The following LEMD1 variants were observed in gnomAD, a reference collection of about 807,000 sequenced individuals.
LEMD1 encodes LEM domain-containing protein 1.
In LEMD1, 18 loss-of-function variants were observed where a neutral mutation model predicts 17.4. The observed-to-expected ratio is 1.04, with a 90% confidence interval of 0.72 to 1.54. The LOEUF (loss-of-function observed/expected upper bound fraction) is 1.54. Among genes scored for constraint, LEMD1 ranks in the 40% most tolerant of loss-of-function variants. The pLI, the probability that LEMD1 is intolerant of heterozygous loss-of-function variation, is 0.00. For missense variants in LEMD1, 195 were observed against 210.4 expected (o/e 0.93, Z 0.45); for synonymous variants, 88 against 77.8 (o/e 1.13, Z -0.69).
chr1:205,449,601 C>T (rs1666459700), intron 1 of LEMD1, among the ~76,000 whole-genome samples: 1 of 150,554 alleles, frequency 6.6e-6, no homozygotes, highest in South Asian at 2.1e-4. Context: ...ACACAGCACA[C>T]AGCACAGCAC....
chr1:205,430,208 C>A (rs1331543580), intron 1 of LEMD1, among the ~76,000 whole-genome samples: 1 of 152,236 alleles, frequency 6.6e-6, no homozygotes, highest in Non-Finnish European at 1.5e-5. Flanking sequence ...CTCTCTGCTG[C>A]TTGCACACCC....
At position 205,447,000 on chromosome 1, in the gene LEMD1, C is replaced by T. The variant is rs554632095; in HGVS notation, c.-39+2868G>A. Among the ~76,000 whole-genome samples the T allele has an allele frequency of 1.4e-4, 22 of 152,326 alleles. No homozygotes were observed. The South Asian group carries it at 1.9e-3, about 13-fold the overall frequency. On this transcript the variant is annotated intron_variant, in intron 1 of 3. Transcript: ENST00000367154. Reference sequence around the variant, plus strand: ...ACAAAGGGTGATTGGAGTTGGGCCACGGGGCCAATTTGTGGACGTGCATCC... The same window carrying T: ...ACAAAGGGTGATTGGAGTTGGGCCATGGGGCCAATTTGTGGACGTGCATCC...
rs1665916336 is a variant in LEMD1, at chr1:205,420,547, G to A, written c.-11C>T. ...CTTCACATCCACCATGATGATAGAA[G>A]TTTGGCCTCTTTTCTGATGGTAGAA... On this transcript the variant is annotated 5_prime_UTR_variant, in exon 2 of 6. Transcript: ENST00000367153. 4.3e-6 allele frequency: 7 copies of A among 1,609,650 alleles called. No individual in the cohort carries two copies. Among genetic ancestry groups the A allele is most frequent in the African/African-American group, 4.0e-5 (3 of 74,928 alleles).
intron 1 of LEMD1, among the ~76,000 whole-genome samples, chr1:205,427,484 TGAGA>T (rs3973968): frequency 9.3e-4 from 137 of 147,344 alleles, no homozygotes; most frequent in Non-Finnish European, 1.4e-3. Context: ...AAAGAACATT[TGAGA>T]GAGAGAGAGA....
chr1:205,448,464 C>T lies in LEMD1; in HGVS notation c.-39+1404G>A. 1 of 521,448 alleles carries T rather than the reference C, an allele frequency of 1.9e-6. No individual in the cohort carries two copies. The allele number at this position is 521,448 out of a possible 1,614,324, so 32.3% of individuals were successfully genotyped here. A position where few individuals can be genotyped will look rare whatever the true frequency, so the allele number is the denominator to read the frequency against. ...CTGGGGCACCCGAGAAGCCCTCACT[C>T]CCCTTCTCAGCACCCCCGACCCCAG... On this transcript the variant is annotated intron_variant, in intron 1 of 3. Coordinates refer to the LEMD1 transcript ENST00000367154. The surrounding 1 kb of genome is among the most constrained non-coding windows in gnomAD (Gnocchi z 4.7).
intron 1 of LEMD1, chr1:205,435,979 C>T (rs1305485869): frequency 6.6e-6 from 1 of 152,220 alleles, no homozygotes; most frequent in Non-Finnish European, 1.5e-5. Context: ...AGAAACCAGC[C>T]TGGCCTCTCT....
At chr1:205,432,762 A>G (rs962659995) in intron 1 of LEMD1, among the ~76,000 whole-genome samples, 3 of 152,228 alleles carry the variant, frequency 2.0e-5, no homozygotes, top group African/African-American at 7.2e-5. Context: ...TTATCCCAGC[A>G]CTTTGGAAGG....
chr1:205,404,785 T>G (rs1329147302), intron 4 of LEMD1, among the ~76,000 whole-genome samples: 2 of 152,160 alleles, frequency 1.3e-5, no homozygotes, highest in African/African-American at 4.8e-5. Context: ...TGATGCAGTT[T>G]CTTCCTAGTC....
intron 1 of LEMD1, among the ~76,000 whole-genome samples, chr1:205,420,828 T>G (rs1464916159): frequency 3.3e-5 from 5 of 152,240 alleles, no homozygotes; most frequent in African/African-American, 1.2e-4. Flanking sequence ...TTCTGTTCAA[T>G]GAATATGAGA....
chr1:205,381,537 G>A lies in LEMD1; in HGVS notation c.*121C>T. 1 of 943,626 alleles carries A rather than the reference G, an allele frequency of 1.1e-6. No homozygotes were observed. The highest frequency in any genetic ancestry group is 1.8e-5 in the Admixed American group (1 of 55,534). 58.5% of individuals were successfully genotyped at this position (943,626 alleles called of 1,614,324 possible). ...GACACCGATCTGTGAGAGCAGCACA[G>A]TGCAAGGGAAGGCTCCCTGCAAGGG... On this transcript the variant is annotated 3_prime_UTR_variant, in exon 6 of 6. Coordinates refer to ENST00000367153, the MANE Select transcript of LEMD1 (RefSeq NM_001199050.2).
intron 1 of LEMD1, among the ~76,000 whole-genome samples, chr1:205,431,264 A>G (rs1666122380): frequency 6.6e-6 from 1 of 152,228 alleles, no homozygotes; most frequent in African/African-American, 2.4e-5. Context: ...CTGAATGTCT[A>G]CTTCGTACCC....
intron 1 of LEMD1, among the ~76,000 whole-genome samples, 181 bp from the exon 2 acceptor site, chr1:205,420,755 A>G (rs374106685): frequency 5.3e-5 from 8 of 152,210 alleles, no homozygotes; most frequent in East Asian, 1.9e-4. Flanking sequence ...GTTGCCTCCA[A>G]TGTAAAACTT....
intron 1 of LEMD1, among the ~76,000 whole-genome samples, chr1:205,443,490 CAGAGG>C (rs1204712535): frequency 6.6e-6 from 1 of 152,118 alleles, no homozygotes; most frequent in Non-Finnish European, 1.5e-5. Flanking sequence ...ACCTACACAT[CAGAGG>C]AAAGGAGAGC....
chr1:205,438,787 A>G (rs75523989), intron 1 of LEMD1, among the ~76,000 whole-genome samples: 3,649 of 152,072 alleles, frequency 0.024, 167 homozygotes, highest in African/African-American at 0.083. Flanking sequence ...AGGGCTCAAG[A>G]TATCTAGTAT....
chr1:205,430,503 G>T (rs1308133489), intron 1 of LEMD1, among the ~76,000 whole-genome samples: 1 of 152,200 alleles, frequency 6.6e-6, no homozygotes, highest in Non-Finnish European at 1.5e-5. Flanking sequence ...TCCAGAGGAG[G>T]TAAGAACAAG....
In LEMD1 at chr1:205,448,504, C is replaced by A; in HGVS notation, c.-39+1364G>T. ...CCCGACCCCAGACCCACCCACACTG[C>A]CTCCCTCCAGGACTGGGCCCCCCAG... is the stretch of plus-strand genomic sequence containing the variant. On this transcript the variant is annotated intron_variant, in intron 1 of 3. Transcript: ENST00000367154. This position sits in a 1 kb window ranked among gnomAD's most constrained non-coding sequence, Gnocchi z 4.7. The A allele has an allele frequency of 2.2e-6, 1 of 447,456 alleles. No individual in the cohort carries two copies. The highest frequency in any genetic ancestry group is 4.5e-6 in the Non-Finnish European group (1 of 222,430). 27.7% of individuals were successfully genotyped at this position (447,456 alleles called of 1,614,324 possible). A position where few individuals can be genotyped will look rare whatever the true frequency, so the allele number is the denominator to read the frequency against.
chr1:205,428,669 C>T (rs1199698606), intron 1 of LEMD1, among the ~76,000 whole-genome samples: 3 of 151,846 alleles, frequency 2.0e-5, no homozygotes, highest in African/African-American at 7.3e-5. Flanking sequence ...TGTGTGTGTT[C>T]GTGGAATGGC....
intron 2 of LEMD1, among the ~76,000 whole-genome samples, chr1:205,419,624 G>A (rs992817524): frequency 3.9e-5 from 6 of 152,092 alleles, no homozygotes; most frequent in African/African-American, 1.4e-4. Context: ...CACCACACTC[G>A]GCTAATTTTT....
At chr1:205,414,274 A>T (rs1665587783) in intron 4 of LEMD1, among the ~76,000 whole-genome samples, 2 of 152,052 alleles carry the variant, frequency 1.3e-5, no homozygotes, top group Middle Eastern at 3.2e-3. Flanking sequence ...GGATTTTGCA[A>T]TTGTTCAAAT....
Sources: gnomAD v4.1 joint callset for allele counts (sites outside exome capture counted in the v4.1 genomes callset) on GRCh38, gnomAD v4.1.1 for gene constraint, Gnocchi (gnomAD v3.1) non-coding constraint, MANE v1.5 for transcripts, NCBI Gene and HGNC (gene_info 2026-07-23, HGNC 2026-07-21) for gene names.